C1orf87: variants seen among roughly 807,000 people sequenced by gnomAD.
C1orf87 encodes uncharacterized protein C1orf87.
A neutral mutation model predicts 60.5 loss-of-function variants in C1orf87; 58 were observed. That is an observed-to-expected ratio of 0.96 (90% CI 0.78 to 1.19). C1orf87 has a LOEUF of 1.19. Among genes scored for constraint, C1orf87 ranks in the 50% most tolerant of loss-of-function variants. C1orf87 has a pLI of 0.00. For synonymous variants in C1orf87, 236 were observed against 227.4 expected (o/e 1.04, Z -0.34); for missense variants, 673 against 638.6 (o/e 1.05, Z -0.58).
intron 2 of C1orf87, among the ~76,000 whole-genome samples, chr1:60,064,772 TTAATATATAAATA>T (rs1173741752): frequency 1.1e-5 from 1 of 95,164 alleles, no homozygotes; most frequent in Non-Finnish European, 1.9e-5. Context: ...ATAATTATAT[TTAATATATAAATA>T]TATATTAAAT....
intron 8 of C1orf87, among the ~76,000 whole-genome samples, chr1:60,019,843 C>T (rs1645150125): frequency 6.6e-6 from 1 of 152,084 alleles, no homozygotes; most frequent in Non-Finnish European, 1.5e-5. Context: ...TTCTAAGTAG[C>T]AAAGCATTCA....
intron 9 of C1orf87, among the ~76,000 whole-genome samples, chr1:60,005,770 CGTGT>C (rs139222813): frequency 2.1e-5 from 3 of 143,986 alleles, no homozygotes; most frequent in Admixed American, 6.9e-5. Flanking sequence ...GAAGCTGATT[CGTGT>C]GTGTGTGTGT....
At chr1:60,028,910 C>T (rs752120809) in intron 7 of C1orf87, among the ~76,000 whole-genome samples, 1 of 151,792 alleles carries the variant, frequency 6.6e-6, no homozygotes, top group Non-Finnish European at 1.5e-5. Context: ...TCTTTGTTTA[C>T]TACTCCTTAA....
At chr1:60,059,090 A>G (rs1176383766) in intron 2 of C1orf87, among the ~76,000 whole-genome samples, 1 of 152,230 alleles carries the variant, frequency 6.6e-6, no homozygotes, top group Non-Finnish European at 1.5e-5. Context: ...ATTTAAAAAA[A>G]AATACATAGC....
chr1:60,013,777 T>C (rs1287531414), intron 8 of C1orf87, among the ~76,000 whole-genome samples: 3 of 152,044 alleles, frequency 2.0e-5, no homozygotes, highest in Non-Finnish European at 4.4e-5. Context: ...CCTTTGGCCT[T>C]GCTCACTGCT....
chr1:60,063,218 T>G (rs1466153383), intron 2 of C1orf87, among the ~76,000 whole-genome samples: 1 of 152,162 alleles, frequency 6.6e-6, no homozygotes. Context: ...AGAAAAGTAG[T>G]AAACAAAGAT....
chr1:60,053,408 A>G (rs116002066), intron 3 of C1orf87, among the ~76,000 whole-genome samples: 1,957 of 152,178 alleles, frequency 0.013, 37 homozygotes, highest in African/African-American at 0.045. Context: ...AGGAGTTCCT[A>G]CCTCGCCGGG....
intron 8 of C1orf87, among the ~76,000 whole-genome samples, chr1:60,023,097 T>G (rs1364857912): frequency 6.6e-6 from 1 of 152,154 alleles, no homozygotes; most frequent in Non-Finnish European, 1.5e-5. Context: ...AATTTGTCTT[T>G]TTCTCTGTGT....
In C1orf87 at chr1:60,033,475, C is replaced by T. The variant is rs771276103; in HGVS notation, c.1029+1G>A. 3.1e-6 allele frequency: 5 copies of T among 1,612,472 alleles called. No individual in the cohort carries two copies. Among genetic ancestry groups the T allele is most frequent in the Non-Finnish European group, 4.2e-6 (5 of 1,179,228 alleles). ...CAAATCTGAAATTGAATTTTGGTTA[C>T]CTTAGGTAGAGGGAGGCAGCCAGAG... On this transcript the variant is annotated splice_donor_variant, in intron 7 of 11. Transcript: ENST00000371201. LOFTEE classifies it high-confidence loss of function.
At chr1:60,025,640 C>G (rs1433124127) in intron 7 of C1orf87, 142 bp from the exon 8 acceptor site, 2 of 629,352 alleles carry the variant, frequency 3.2e-6, no homozygotes, top group African/African-American at 1.9e-5. Flanking sequence ...GGAGTACATT[C>G]TACCATTGAG....
intron 2 of C1orf87, 123 bp from the exon 3 acceptor site, chr1:60,055,561 GAAGCATAA>G (rs1645448729): frequency 6.7e-6 from 5 of 744,010 alleles, no homozygotes; most frequent in South Asian, 5.3e-5. Context: ...GTGGAATGTG[GAAGCATAA>G]ACATTGGTTA....
At chr1:60,044,224 GT>G (rs1461186646) in intron 3 of C1orf87, among the ~76,000 whole-genome samples, 1 of 151,986 alleles carries the variant, frequency 6.6e-6, no homozygotes, top group Non-Finnish European at 1.5e-5. Flanking sequence ...TAGAGACGGG[GT>G]TTCACCGTGT....
At chr1:60,072,747 G>T in intron 1 of C1orf87, 77 bp from the exon 2 acceptor site, 1 of 702,016 alleles carries the variant, frequency 1.4e-6, no homozygotes, top group Non-Finnish European at 2.4e-6. Flanking sequence ...ATAACAACAA[G>T]CAATAATAAT....
intron 3 of C1orf87, among the ~76,000 whole-genome samples, chr1:60,041,637 T>C (rs1645325624): frequency 6.6e-6 from 1 of 152,200 alleles, no homozygotes; most frequent in Non-Finnish European, 1.5e-5. Context: ...TGTTCTCTCT[T>C]GCCATGGAGC....
intron 8 of C1orf87, among the ~76,000 whole-genome samples, chr1:60,017,901 G>A (rs534492175): frequency 6.6e-6 from 1 of 152,286 alleles, no homozygotes; most frequent in East Asian, 1.9e-4. Flanking sequence ...CAGGGTTTGT[G>A]AAATTGCTCC....
At chr1:60,073,186 CA>C (rs1645595635) in intron 1 of C1orf87, among the ~76,000 whole-genome samples, 1 of 152,180 alleles carries the variant, frequency 6.6e-6, no homozygotes. Context: ...AGACTGTACA[CA>C]AGACAGACAG....
At chr1:60,061,795 AAAAAAAAT>A (rs1321255604) in intron 2 of C1orf87, among the ~76,000 whole-genome samples, 3 of 150,454 alleles carry the variant, frequency 2.0e-5, no homozygotes, top group African/African-American at 2.4e-5. Flanking sequence ...AAAAAAAAAA[AAAAAAAAT>A]AGCTGGGCTT....
At chr1:60,037,909 C>T (rs1574314260) in intron 6 of C1orf87, 83 bp downstream of exon 6, 1 of 791,766 alleles carries the variant, frequency 1.3e-6, no homozygotes, top group East Asian at 2.6e-5. Context: ...TATAAGCCAC[C>T]CAGTTTATGG....
chr1:60,004,561 C>G (rs563051688), intron 9 of C1orf87, among the ~76,000 whole-genome samples: 2 of 152,058 alleles, frequency 1.3e-5, no homozygotes, highest in Non-Finnish European at 2.9e-5. Context: ...GGAAAAAATA[C>G]ATACTAGTCT....
Sources: gnomAD v4.1 joint callset for allele counts (sites outside exome capture counted in the v4.1 genomes callset) on GRCh38, gnomAD v4.1.1 for gene constraint, MANE v1.5 for transcripts, NCBI Gene and HGNC (gene_info 2026-07-23, HGNC 2026-07-21) for gene names.